Variants in GCNT1 observed in about 807,000 individuals in gnomAD.
GCNT1 encodes the protein glucosaminyl (N-acetyl) transferase 1, also known as beta-1,3-galactosyl-O-glycosyl-glycoprotein beta-1,6-N-acetylglucosaminyltransferase.
In GCNT1, 16 loss-of-function variants were observed where a neutral mutation model predicts 26.2. That is an observed-to-expected ratio of 0.61 (90% CI 0.41 to 0.93). The LOEUF is 0.93. Among genes scored for constraint, GCNT1 ranks in the 40% least tolerant of loss-of-function variants. The pLI, the probability that GCNT1 is intolerant of heterozygous loss-of-function variation, is 0.00. For synonymous variants in GCNT1, 183 were observed against 190.8 expected, an observed-to-expected ratio of 0.96 and a Z score of 0.34; for missense variants, 477 against 526.7, an observed-to-expected ratio of 0.91 and a Z score of 0.92.
chr9:76,422,122 A>T (rs965513704), intron 1 of GCNT1, among the ~76,000 whole-genome samples: 5 of 152,136 alleles, frequency 3.3e-5, no homozygotes, highest in Non-Finnish European at 7.4e-5. Flanking sequence ...GAACTCACTC[A>T]CTGTCATGAG....
At chr9:76,429,715 C>CTTT (rs59977325) in intron 1 of GCNT1, among the ~76,000 whole-genome samples, 2 of 107,078 alleles carry the variant, frequency 1.9e-5, no homozygotes, top group Admixed American at 9.4e-5. Flanking sequence ...TGTTTTCTTT[C>CTTT]TTTTTTTTTT....
rs904136696 is a variant in GCNT1, at chr9:76,504,203, TG to T, written c.*536del. Reference sequence around the variant, plus strand: ...TATATTCTGCTCTAATACTGTACTGTGTAGTGTGTCTCCGTATGTCATCTCA... The same window carrying T: ...TATATTCTGCTCTAATACTGTACTGTTAGTGTGTCTCCGTATGTCATCTCA... On this transcript the variant is annotated 3_prime_UTR_variant, in exon 4 of 4. Transcript: ENST00000376730. 5.8e-6 allele frequency: 1 copy of T among 171,904 alleles called. No homozygotes were observed. Among genetic ancestry groups the T allele is most frequent in the African/African-American group, 2.4e-5 (1 of 41,522 alleles). 10.6% of individuals were successfully genotyped at this position (171,904 alleles called of 1,614,324 possible).
chr9:76,417,330 C>G (rs933023289), upstream of GCNT1, among the ~76,000 whole-genome samples: 2 of 152,134 alleles, frequency 1.3e-5, no homozygotes, highest in Admixed American at 6.5e-5. Flanking sequence ...TTTTACCCAC[C>G]TGAGTATGTA....
intron 2 of GCNT1, among the ~76,000 whole-genome samples, chr9:76,475,295 G>A (rs1415678356): frequency 6.6e-6 from 1 of 152,198 alleles, no homozygotes; most frequent in African/African-American, 2.4e-5. Flanking sequence ...TCACAGCTTA[G>A]ATCACAAATC....
At chr9:76,493,974 G>A (rs1274512733) in intron 2 of GCNT1, among the ~76,000 whole-genome samples, 1 of 151,974 alleles carries the variant, frequency 6.6e-6, no homozygotes, top group Non-Finnish European at 1.5e-5. Context: ...AGGTCAGATT[G>A]TCCCAGTGGC....
upstream of GCNT1, among the ~76,000 whole-genome samples, chr9:76,437,779 A>G (rs761561443): frequency 9.9e-5 from 15 of 152,180 alleles, no homozygotes; most frequent in Non-Finnish European, 2.1e-4. Context: ...AAAGCAGAAT[A>G]TTTATTAGGT....
Position 76,504,816 on chromosome 9 carries a change from C to T in GCNT1, c.*1148C>T. On this transcript the variant is annotated 3_prime_UTR_variant, in exon 4 of 4. Coordinates refer to ENST00000376730, the MANE Select transcript of GCNT1 (RefSeq NM_001490.5). The stretch of plus-strand genomic sequence containing the variant: ...TACCTGCCCCCTGGGTGGTAAGTTT[C>T]CTCCTTTCTCAACCTTCCACGAGGA... 4.8e-6 allele frequency: 2 copies of T among 413,450 alleles called. No homozygotes were observed. The highest frequency in any genetic ancestry group is 8.8e-6 in the Non-Finnish European group (2 of 226,142). The allele number at this position is 413,450 out of a possible 1,614,324, so 25.6% of individuals were successfully genotyped here.
At chr9:76,464,900 A>G (rs934775325) in intron 2 of GCNT1, among the ~76,000 whole-genome samples, 21 of 152,198 alleles carry the variant, frequency 1.4e-4, no homozygotes, top group African/African-American at 4.8e-4. Flanking sequence ...ATGGTGAAAT[A>G]TCCTCTCAAT....
intron 1 of GCNT1, among the ~76,000 whole-genome samples, chr9:76,443,168 C>T (rs933342808): frequency 6.6e-6 from 1 of 152,170 alleles, no homozygotes; most frequent in Non-Finnish European, 1.5e-5. Context: ...TCGAGACCAG[C>T]CTGGCCAACA....
At chr9:76,443,894 A>AAAGGAAGAAAGGAAGAAAGGAAGAAAGG (rs1554731372) in intron 1 of GCNT1, among the ~76,000 whole-genome samples, 134 of 127,270 alleles carry the variant, frequency 1.1e-3, no homozygotes, top group Middle Eastern at 4.1e-3. Context: ...AGAAAGAAAG[A>AAAGGAAGAAAGGAAGAAAGGAAGAAAGG]AAGAAAGGAA....
upstream of GCNT1, among the ~76,000 whole-genome samples, chr9:76,455,828 C>T (rs1823750888): frequency 6.6e-6 from 1 of 152,186 alleles, no homozygotes; most frequent in Admixed American, 6.5e-5. Context: ...AACTCGAACT[C>T]CTTACCTCAA....
intron 2 of GCNT1, among the ~76,000 whole-genome samples, chr9:76,461,977 C>T (rs760160675): frequency 1.6e-4 from 24 of 152,294 alleles, no homozygotes; most frequent in East Asian, 5.8e-4. Context: ...CTACTGTACA[C>T]GGTGATTATA....
At position 76,503,694 on chromosome 9, in the gene GCNT1, G is replaced by C; in HGVS notation, c.*26G>C. The C allele has an allele frequency of 1.9e-6, 3 of 1,562,364 alleles. No individual in the cohort carries two copies. The highest frequency in any genetic ancestry group is 2.6e-6 in the Non-Finnish European group (3 of 1,136,686). On this transcript the variant is annotated 3_prime_UTR_variant, in exon 4 of 4. Coordinates refer to ENST00000376730, the MANE Select transcript of GCNT1 (RefSeq NM_001490.5). ...CCATTACGGGCAATTTTATGAACAA[G>C]AAGAAGGATACACAAAACGTACCCT...
intron 1 of GCNT1, among the ~76,000 whole-genome samples, chr9:76,449,346 T>G (rs1823627706): frequency 6.6e-6 from 1 of 151,228 alleles, no homozygotes; most frequent in Non-Finnish European, 1.5e-5. Flanking sequence ...ATGATAATAG[T>G]AAAAGTAAAA....
chr9:76,503,805 A>C lies in GCNT1; in HGVS notation c.*137A>C. The stretch of plus-strand genomic sequence containing the variant: ...GGACTCTAGTAGATCTTCTTGTCAG[A>C]GAAGCTGCATGGTTTCTGCAGAGCA... On this transcript the variant is annotated 3_prime_UTR_variant, in exon 4 of 4. Coordinates refer to ENST00000376730, the MANE Select transcript of GCNT1 (RefSeq NM_001490.5). 1.4e-6 allele frequency: 1 copy of C among 691,906 alleles called. No individual in the cohort carries two copies. The highest frequency in any genetic ancestry group is 2.6e-6 in the Non-Finnish European group (1 of 390,612). The allele number at this position is 691,906 out of a possible 1,614,324, so 42.9% of individuals were successfully genotyped here.
intron 2 of GCNT1, among the ~76,000 whole-genome samples, chr9:76,498,806 C>T (rs1490211615): frequency 6.7e-6 from 1 of 149,926 alleles, no homozygotes; most frequent in Non-Finnish European, 1.5e-5. Flanking sequence ...AAAGTGTATA[C>T]ACACACACTG....
chr9:76,441,903 T>C (rs1204424373), exon 1 of GCNT1: 1 of 152,216 alleles, frequency 6.6e-6, no homozygotes, highest in Non-Finnish European at 1.5e-5. Context: ...AGTAAAGCAA[T>C]CATGATTTTT....
intron 1 of GCNT1, among the ~76,000 whole-genome samples, chr9:76,450,276 G>A (rs1823643704): frequency 1.3e-5 from 2 of 152,146 alleles, no homozygotes; most frequent in Admixed American, 6.5e-5. Flanking sequence ...ACGTACATCT[G>A]ATTCCCTTAT....
chr9:76,455,614 A>G (rs992535060), upstream of GCNT1, among the ~76,000 whole-genome samples: 13 of 151,538 alleles, frequency 8.6e-5, no homozygotes, highest in African/African-American at 2.9e-4. Context: ...TTATTTATCT[A>G]TTTTTGAGAT....
Sources: allele counts gnomAD v4.1 joint callset (sites outside exome capture counted in the v4.1 genomes callset), GRCh38; gene constraint gnomAD v4.1.1; transcripts MANE v1.5; gene names NCBI Gene and HGNC (gene_info 2026-07-23, HGNC 2026-07-21).